Variants in ZSWIM6 observed in about 807,000 individuals in gnomAD.
The protein encoded by ZSWIM6 is zinc finger SWIM domain-containing protein 6.
Under a neutral mutation model 113.2 loss-of-function variants are expected in ZSWIM6, and 9 were observed. The ratio of observed to expected loss-of-function variants is 0.08; its 90% CI spans 0.05 to 0.14. ZSWIM6 has a LOEUF of 0.14. Ranked by LOEUF, ZSWIM6 falls within the 10% of genes least tolerant of loss-of-function variation. The pLI is 1.00. For synonymous variants in ZSWIM6, 611 were observed against 606.5 expected, an observed-to-expected ratio of 1.01 and a Z score of -0.11; for missense variants, 1,162 against 1,552.2, an observed-to-expected ratio of 0.75 and a Z score of 4.22.
chr5:61,437,736 AAAAG>A (rs1168526581), intron 1 of ZSWIM6, among the ~76,000 whole-genome samples: 6 of 151,496 alleles, frequency 4.0e-5, no homozygotes, highest in Admixed American at 2.0e-4. Flanking sequence ...AAAAAAAAAA[AAAAG>A]AAATCCACTA....
rs1159597420 is a variant in ZSWIM6 at position 61,544,438 on chromosome 5, A to G, written c.*121A>G. ...AGCCACACCGGTATTATATGTGTAT[A>G]GTTATATTGCGTTTGCAGACTAAAT... On this transcript the variant is annotated 3_prime_UTR_variant, in exon 14 of 14. Transcript: ENST00000252744. 1.7e-5 allele frequency: 9 copies of G among 535,348 alleles called. No homozygotes were observed. The East Asian group carries it at 2.4e-4, about 15-fold the overall frequency. 33.2% of individuals were successfully genotyped at this position (535,348 alleles called of 1,614,324 possible). A position where few individuals can be genotyped will look rare whatever the true frequency, so the allele number is the denominator to read the frequency against.
At chr5:61,391,825 A>G in intron 1 of ZSWIM6, 1 of 795,848 alleles carries the variant, frequency 1.3e-6, no homozygotes, top group East Asian at 2.5e-5. Flanking sequence ...CTGAGGCAGG[A>G]AGCCGAGGGA....
intron 1 of ZSWIM6, among the ~76,000 whole-genome samples, chr5:61,463,242 T>C (rs1386981505): frequency 6.6e-6 from 1 of 152,234 alleles, no homozygotes; most frequent in African/African-American, 2.4e-5. Flanking sequence ...ATTTTTACTT[T>C]TATTTTGTAA....
At position 61,390,902 on chromosome 5, in the gene ZSWIM6, C is replaced by T. The variant is rs183003268; in HGVS notation, c.676+57954C>T. ...CTTTCAGCATGACAAAGTCATTGGT[C>T]ACTTCACCATAGTGGACAAAGGCCC... On this transcript the variant is annotated intron_variant, in intron 1 of 13. Transcript: ENST00000252744. 4.2e-4 allele frequency: 370 copies of T among 876,632 alleles called. 1 individual carries two copies. In the African/African-American group the frequency reaches 5.3e-3, roughly 13 times the overall value. The allele number at this position is 876,632 out of a possible 1,614,324, so 54.3% of individuals were successfully genotyped here. A position where few individuals can be genotyped will look rare whatever the true frequency, so the allele number is the denominator to read the frequency against.
At chr5:61,420,994 A>T (rs898035545) in intron 1 of ZSWIM6, among the ~76,000 whole-genome samples, 1 of 151,234 alleles carries the variant, frequency 6.6e-6, no homozygotes, top group Admixed American at 6.6e-5. Context: ...GTCTTGGATC[A>T]CTGCAACCTC....
At chr5:61,415,305 C>T (rs1052867963) in intron 1 of ZSWIM6, among the ~76,000 whole-genome samples, 1 of 152,036 alleles carries the variant, frequency 6.6e-6, no homozygotes, top group Non-Finnish European at 1.5e-5. Flanking sequence ...AGGATAAAAA[C>T]CCTTGGGCTG....
chr5:61,477,010 G>A (rs1263625351), intron 2 of ZSWIM6, among the ~76,000 whole-genome samples: 2 of 152,152 alleles, frequency 1.3e-5, no homozygotes, highest in Non-Finnish European at 2.9e-5. Context: ...TCATGTTGGG[G>A]TATCCACAAG....
At chr5:61,430,246 T>C (rs564050535) in intron 1 of ZSWIM6, among the ~76,000 whole-genome samples, 1 of 152,298 alleles carries the variant, frequency 6.6e-6, no homozygotes, top group South Asian at 2.1e-4. Context: ...TCAGCTAGTT[T>C]CATGACATTG....
At chr5:61,375,206 A>G in intron 1 of ZSWIM6, 4 of 1,613,406 alleles carry the variant, frequency 2.5e-6, no homozygotes, top group Non-Finnish European at 2.5e-6. Flanking sequence ...ACAATACAGG[A>G]TTATCTGAAT....
chr5:61,444,064 A>G (rs1029291790), intron 1 of ZSWIM6, among the ~76,000 whole-genome samples: 2 of 150,878 alleles, frequency 1.3e-5, no homozygotes, highest in Middle Eastern at 3.4e-3. Context: ...GTCATTTAGC[A>G]TTAGGTATAT....
Position 61,530,095 on chromosome 5 carries a change from C to T in ZSWIM6, c.1881C>T (p.Gly627=), listed in dbSNP as rs1439137747. The change falls in exon 8 of 14, where the codon GGC becomes GGT. Residue 627 remains glycine, a synonymous_variant. Transcript: ENST00000252744. ...KNITSITNLE[G]WVGHPLDPVG... ...TAACCTCGATAACCAATCTGGAGGG[C>T]TGGGTTGGACATCCCCTGGACCCTG... 2 of 1,551,538 alleles carry T rather than the reference C, an allele frequency of 1.3e-6. No homozygotes were observed. The highest frequency in any genetic ancestry group is 2.4e-5 in the East Asian group (1 of 40,914).
chr5:61,532,562 T>C (rs139915115), intron 9 of ZSWIM6, among the ~76,000 whole-genome samples: 22 of 152,348 alleles, frequency 1.4e-4, no homozygotes, highest in African/African-American at 5.3e-4. Context: ...CTACTACATA[T>C]AGGGAAGGGA....
intron 4 of ZSWIM6, among the ~76,000 whole-genome samples, chr5:61,520,243 A>T (rs889691103): frequency 1.3e-5 from 2 of 152,236 alleles, no homozygotes; most frequent in African/African-American, 2.4e-5. Context: ...TGATTAAAAC[A>T]TAAACAGACA....
chr5:61,393,568 G>A (rs1280292436), intron 1 of ZSWIM6, among the ~76,000 whole-genome samples: 1 of 151,800 alleles, frequency 6.6e-6, no homozygotes, highest in African/African-American at 2.4e-5. Flanking sequence ...CTGATAATTT[G>A]TGCCTTTAAA....
chr5:61,417,262 G>A (rs1746277260), intron 1 of ZSWIM6, among the ~76,000 whole-genome samples: 1 of 152,168 alleles, frequency 6.6e-6, no homozygotes, highest in African/African-American at 2.4e-5. Flanking sequence ...GGAGTTCACT[G>A]CCTATATCTG....
intron 1 of ZSWIM6, among the ~76,000 whole-genome samples, chr5:61,444,649 C>T (rs1252781909): frequency 6.6e-6 from 1 of 152,168 alleles, no homozygotes; most frequent in African/African-American, 2.4e-5. Flanking sequence ...GTTATTCCGA[C>T]ATAGGGGCCT....
At chr5:61,516,532 A>G (rs1474706557) in intron 4 of ZSWIM6, among the ~76,000 whole-genome samples, 1 of 140,518 alleles carries the variant, frequency 7.1e-6, no homozygotes, top group African/African-American at 2.5e-5. Flanking sequence ...ATATATATAT[A>G]TCTTATATAT....
At chr5:61,366,875 C>T (rs1021465300) in intron 1 of ZSWIM6, among the ~76,000 whole-genome samples, 9 of 150,920 alleles carry the variant, frequency 6.0e-5, no homozygotes, top group African/African-American at 2.2e-4. Flanking sequence ...GCTGCATGAG[C>T]CATAATCTTG....
intron 1 of ZSWIM6, among the ~76,000 whole-genome samples, chr5:61,339,604 CTGT>C (rs1744490768): frequency 6.6e-6 from 1 of 152,146 alleles, no homozygotes; most frequent in South Asian, 2.1e-4. Context: ...TAAACTCAAA[CTGT>C]TGTTGACTTA....
Sources: allele counts gnomAD v4.1 joint callset (sites outside exome capture counted in the v4.1 genomes callset), GRCh38; gene constraint gnomAD v4.1.1; transcripts MANE v1.5; gene names NCBI Gene and HGNC (gene_info 2026-07-23, HGNC 2026-07-21).